The following WNT7B variants were observed in gnomAD, a reference collection of about 807,000 sequenced individuals.
The protein encoded by WNT7B is protein Wnt-7b.
A neutral mutation model predicts 38.2 loss-of-function variants in WNT7B; 19 were observed. That is an observed-to-expected ratio of 0.50 (90% confidence interval 0.35 to 0.73). WNT7B has a LOEUF of 0.73. Among genes scored for constraint, WNT7B ranks in the 30% least tolerant of loss-of-function variants. WNT7B has a pLI of 0.01. For synonymous variants in WNT7B, 243 were observed against 209.3 expected (o/e 1.16, Z -1.39); for missense variants, 423 against 507.9 (o/e 0.83, Z 1.61).
Position 45,976,974 on chromosome 22 carries a change from A to G in WNT7B, c.-220T>C. On this transcript the variant is annotated 5_prime_UTR_variant, in exon 1 of 4. Transcript: ENST00000339464. The surrounding 1 kb of genome is among the most constrained non-coding windows in gnomAD (Gnocchi z 8.5). ...CCGCGTGAGCCCGGGGAATTGACCCAGGCTGGGGGCCGCGACCTCGAAGCC... is the reference window on the plus strand; with the variant it reads ...CCGCGTGAGCCCGGGGAATTGACCCGGGCTGGGGGCCGCGACCTCGAAGCC... The G allele has an allele frequency of 2.0e-6, 2 of 987,166 alleles. No homozygotes were observed. The highest frequency in any genetic ancestry group is 2.4e-6 in the Non-Finnish European group (2 of 831,616). 61.2% of individuals were successfully genotyped at this position (987,166 alleles called of 1,614,324 possible).
At chr22:45,927,619 G>C in intron 3 of WNT7B, 1 of 850,702 alleles carries the variant, frequency 1.2e-6, no homozygotes, top group African/African-American at 1.7e-5. Flanking sequence ...AACAGGGCCA[G>C]GTGCAGTGGC....
intron 2 of WNT7B, among the ~76,000 whole-genome samples, chr22:45,947,110 A>G (rs548586602): frequency 1.2e-3 from 180 of 152,304 alleles, no homozygotes; most frequent in African/African-American, 4.1e-3. Flanking sequence ...GACTCCCCGC[A>G]GCTGAGCCCT....
intron 3 of WNT7B, chr22:45,925,978 T>A: frequency 1.1e-6 from 1 of 946,760 alleles, no homozygotes; most frequent in African/African-American, 1.8e-5. Context: ...CCCTCCTCCC[T>A]CCCCTGTCCC....
At chr22:45,970,858 C>T (rs758756081) in intron 1 of WNT7B, among the ~76,000 whole-genome samples, 2 of 152,232 alleles carry the variant, frequency 1.3e-5, no homozygotes, top group African/African-American at 2.4e-5. Flanking sequence ...GGTCCCCACC[C>T]GCATGCGCCC....
intron 1 of WNT7B, among the ~76,000 whole-genome samples, chr22:45,952,923 C>T (rs1395624749): frequency 6.6e-6 from 1 of 152,230 alleles, no homozygotes; most frequent in African/African-American, 2.4e-5. Flanking sequence ...TCGGAAGACC[C>T]CGCCTCCCAG....
rs889418995 is a variant in WNT7B at position 45,931,262 on chromosome 22, C to T, written c.406G>A (p.Glu136Lys). 26 of 1,598,798 alleles carry T rather than the reference C, an allele frequency of 1.6e-5. No homozygotes were observed. Among genetic ancestry groups the T allele is most frequent in the African/African-American group, 4.0e-5 (3 of 74,954 alleles). Residue 136 changes from glutamate to lysine, a missense_variant, in exon 3 of 4, where the codon GAG becomes AAG. Around this residue, in one of 3 missense-constraint regions of WNT7B, gnomAD observed 132 missense variants for 113.4 expected, o/e 1.16. Transcript: ENST00000339464. Reference protein sequence around the residue: ...GNLSNCGCDREKQGYYNQAEG... With the variant: ...GNLSNCGCDRKKQGYYNQAEG... ...GCTTGGTTGTAGTAGCCCTGCTTCT[C>T]GCGGTCGCAGCCGCAGTTGCTCAGG...
At chr22:45,928,868 ACATACCAC>A (rs1931188029) in intron 3 of WNT7B, among the ~76,000 whole-genome samples, 1 of 151,864 alleles carries the variant, frequency 6.6e-6, no homozygotes, top group Non-Finnish European at 1.5e-5. Context: ...GCATACCACG[ACATACCAC>A]GACCTTGGTT....
At chr22:45,949,818 G>T (rs540909608) in intron 2 of WNT7B, 102 bp downstream of exon 2, 3 of 1,157,136 alleles carry the variant, frequency 2.6e-6, no homozygotes, top group African/African-American at 3.1e-5. Flanking sequence ...CCCCCCAGGA[G>T]ATGTGTGCAG....
Position 45,920,710 on chromosome 22 carries a change from G to C in WNT7B, c.*2146C>G, listed in dbSNP as rs1210400707. ...TGGGGGATGGGGTCAGGGATGGGAT[G>C]GGGGATGGGATGAGGGATGAGATGA... On this transcript the variant is annotated 3_prime_UTR_variant, in exon 4 of 4. Coordinates refer to ENST00000339464, the MANE Select transcript of WNT7B (RefSeq NM_058238.3). 7.2e-6 allele frequency: 1 copy of C among 138,748 alleles called. No individual in the cohort carries two copies. The highest frequency in any genetic ancestry group is 1.6e-5 in the Non-Finnish European group (1 of 62,622). The allele number at this position is 138,748 out of a possible 1,614,324, so 8.6% of individuals were successfully genotyped here. A position where few individuals can be genotyped will look rare whatever the true frequency, so the allele number is the denominator to read the frequency against.
chr22:45,924,806 TG>T (rs1266548460), intron 3 of WNT7B, among the ~76,000 whole-genome samples: 2 of 126,902 alleles, frequency 1.6e-5, no homozygotes, highest in East Asian at 5.0e-4. Flanking sequence ...AGGCAGGTGC[TG>T]GGGGGCCCAA....
intron 1 of WNT7B, among the ~76,000 whole-genome samples, chr22:45,972,991 G>C (rs1053687968): frequency 1.3e-5 from 2 of 152,252 alleles, no homozygotes. Context: ...CTGGCTGTGG[G>C]TCGCACACAG....
At chr22:45,958,230 C>T (rs896942384) in intron 1 of WNT7B, among the ~76,000 whole-genome samples, 4 of 152,086 alleles carry the variant, frequency 2.6e-5, no homozygotes, top group Non-Finnish European at 4.4e-5. Context: ...CTCACCTGGG[C>T]GACACCGTCT....
At chr22:45,972,339 G>A (rs1392640478) in intron 1 of WNT7B, 5 of 398,112 alleles carry the variant, frequency 1.3e-5, no homozygotes, top group African/African-American at 2.1e-5. Flanking sequence ...GCAGGGCGGC[G>A]GCGCTGGGCG....
At chr22:45,935,989 G>A (rs1931505210) in intron 2 of WNT7B, 1 of 985,268 alleles carries the variant, frequency 1.0e-6, no homozygotes, top group Admixed American at 6.2e-5. Context: ...GCCTACCCAA[G>A]CACAGGTCTG....
intron 1 of WNT7B, among the ~76,000 whole-genome samples, chr22:45,956,196 G>A (rs1297637038): frequency 1.3e-5 from 2 of 152,204 alleles, no homozygotes; most frequent in Non-Finnish European, 2.9e-5. Context: ...TGAGACTCAG[G>A]CAAGTTTCTT....
intron 2 of WNT7B, among the ~76,000 whole-genome samples, chr22:45,934,466 C>A (rs1263379052): frequency 1.3e-5 from 2 of 152,144 alleles, no homozygotes; most frequent in African/African-American, 2.4e-5. Flanking sequence ...GTCTAGGAAC[C>A]CCAAATGATT....
intron 1 of WNT7B, among the ~76,000 whole-genome samples, chr22:45,973,399 G>T (rs965071996): frequency 6.6e-6 from 1 of 152,218 alleles, no homozygotes; most frequent in Non-Finnish European, 1.5e-5. Flanking sequence ...CTGGCCCGTC[G>T]TCCTGAGGAA....
chr22:45,944,644 A>C (rs186589373), intron 2 of WNT7B, among the ~76,000 whole-genome samples: 2 of 152,276 alleles, frequency 1.3e-5, no homozygotes, highest in Admixed American at 1.3e-4. Context: ...CAGACCACCA[A>C]GGTGTGGCCA....
chr22:45,962,216 A>G (rs1932213734), intron 1 of WNT7B, among the ~76,000 whole-genome samples: 2 of 152,198 alleles, frequency 1.3e-5, no homozygotes, highest in South Asian at 4.1e-4. Flanking sequence ...AGCCACAGCC[A>G]TGGGGTCCAT....
Sources: gnomAD v4.1 joint callset for allele counts (sites outside exome capture counted in the v4.1 genomes callset) on GRCh38, gnomAD v4.1.1 for gene constraint, gnomAD v4.1.1 regional missense constraint, Gnocchi (gnomAD v3.1) non-coding constraint, MANE v1.5 for transcripts, NCBI Gene and HGNC (gene_info 2026-07-23, HGNC 2026-07-21) for gene names.